The following CALCR variants were observed in gnomAD, a reference collection of about 807,000 sequenced individuals.
CALCR encodes the protein calcitonin receptor.
A neutral mutation model predicts 59.5 loss-of-function variants in CALCR; 47 were observed. The observed-to-expected ratio is 0.79, with a 90% CI of 0.63 to 1.01. The LOEUF (loss-of-function observed/expected upper bound fraction) is 1.01. CALCR is among the 50% of genes least tolerant of loss of function. The probability of loss-of-function intolerance (pLI) is 0.00; values close to 1 mark genes in which losing one functional copy is unlikely to be tolerated. For synonymous variants in CALCR, 213 were observed against 211.3 expected (o/e 1.01, Z -0.07); for missense variants, 566 against 597.1 (o/e 0.95, Z 0.54).
At chr7:93,567,194 G>A (rs1482569637) in intron 2 of CALCR, among the ~76,000 whole-genome samples, 2 of 152,210 alleles carry the variant, frequency 1.3e-5, no homozygotes, top group Non-Finnish European at 2.9e-5. Context: ...ATGAATTATT[G>A]GTTTGGAGGA....
intron 2 of CALCR, among the ~76,000 whole-genome samples, chr7:93,510,429 G>A (rs1048729391): frequency 2.0e-5 from 3 of 152,118 alleles, no homozygotes; most frequent in African/African-American, 7.2e-5. Flanking sequence ...GGTGGGCCAG[G>A]GAGGCACCCA....
chr7:93,459,839 C>T (rs1428651529), intron 8 of CALCR, among the ~76,000 whole-genome samples: 1 of 152,118 alleles, frequency 6.6e-6, no homozygotes, highest in Non-Finnish European at 1.5e-5. Context: ...AGTAATGGAG[C>T]TAAATGATTT....
rs755175625 is a variant in CALCR, at chr7:93,477,683, G to A, written c.206-15C>T. ...GCAATATGGACCTGGCCATTTAGAA[G>A]GAAATTGATATTGAAGCCTTGTGGA... On this transcript the variant is annotated splice_polypyrimidine_tract_variant and intron_variant, in intron 4 of 13. Transcript: ENST00000426151. 1.5e-5 allele frequency: 23 copies of A among 1,514,182 alleles called. No individual in the cohort carries two copies. The highest frequency in any genetic ancestry group is 6.9e-5 in the African/African-American group (5 of 72,822). 93.8% of individuals were successfully genotyped at this position (1,514,182 alleles called of 1,614,324 possible). A position where few individuals can be genotyped will look rare whatever the true frequency, so the allele number is the denominator to read the frequency against.
rs745674001 is a variant in CALCR at position 93,460,965 on chromosome 7, A to G, written c.522-18T>C. The G allele has an allele frequency of 6.2e-7, 1 of 1,602,562 alleles. No individual in the cohort carries two copies. The highest frequency in any genetic ancestry group is 8.5e-7 in the Non-Finnish European group (1 of 1,175,286). ...CAAGGCTCCTGGAAGAAAAAGTAAC[A>G]TAAAGCATTAACCAGTGCCAAAATG... On this transcript the variant is annotated intron_variant, in intron 7 of 13. Coordinates refer to ENST00000426151, the MANE Select transcript of CALCR (RefSeq NM_001742.4).
chr7:93,484,754 T>C (rs1486447788), intron 3 of CALCR, among the ~76,000 whole-genome samples: 1 of 151,736 alleles, frequency 6.6e-6, no homozygotes, highest in African/African-American at 2.4e-5. Context: ...TAACACCTGC[T>C]CTGAAGAACC....
intron 2 of CALCR, among the ~76,000 whole-genome samples, chr7:93,493,063 T>A (rs2115965126): frequency 1.3e-5 from 2 of 151,508 alleles, no homozygotes; most frequent in African/African-American, 4.8e-5. Flanking sequence ...TGTGTATTTC[T>A]ATGTATTTTC....
At chr7:93,497,746 T>A (rs976110889) in intron 2 of CALCR, among the ~76,000 whole-genome samples, 9 of 151,618 alleles carry the variant, frequency 5.9e-5, no homozygotes, top group Non-Finnish European at 1.3e-4. Context: ...TCAGTTTCCA[T>A]GGAGAACCCA....
chr7:93,543,911 G>T (rs1789212051), intron 2 of CALCR, among the ~76,000 whole-genome samples: 1 of 151,314 alleles, frequency 6.6e-6, no homozygotes, highest in Non-Finnish European at 1.5e-5. Context: ...TAGTACTTAG[G>T]GTATATTTGT....
intron 13 of CALCR, among the ~76,000 whole-genome samples, chr7:93,427,567 G>T (rs1799557255): frequency 6.6e-6 from 1 of 152,090 alleles, no homozygotes; most frequent in Non-Finnish European, 1.5e-5. Context: ...CTAAACACAT[G>T]AGAGAGAACC....
intron 2 of CALCR, among the ~76,000 whole-genome samples, chr7:93,530,083 AAATCAAGTTCT>A (rs1195596363): frequency 6.6e-6 from 1 of 152,160 alleles, no homozygotes; most frequent in Non-Finnish European, 1.5e-5. Flanking sequence ...TTATTTTTAA[AAATCAAGTTCT>A]AAAAAGAGCT....
intron 2 of CALCR, among the ~76,000 whole-genome samples, chr7:93,572,410 T>C (rs1790026929): frequency 6.6e-6 from 1 of 152,166 alleles, no homozygotes; most frequent in Non-Finnish European, 1.5e-5. Flanking sequence ...TTTCCACAGA[T>C]ATTCTGATTT....
At chr7:93,537,973 A>G (rs1789036544) in intron 2 of CALCR, among the ~76,000 whole-genome samples, 1 of 151,880 alleles carries the variant, frequency 6.6e-6, no homozygotes, top group Non-Finnish European at 1.5e-5. Flanking sequence ...CATTTATCAT[A>G]TTTTTCCAGT....
chr7:93,491,125 T>TC (rs1410188004), intron 2 of CALCR, among the ~76,000 whole-genome samples: 1 of 152,042 alleles, frequency 6.6e-6, no homozygotes, highest in East Asian at 1.9e-4. Context: ...TATCTGATCT[T>TC]CAACAAACCT....
At chr7:93,537,999 T>A (rs376963608) in intron 2 of CALCR, among the ~76,000 whole-genome samples, 40 of 152,032 alleles carry the variant, frequency 2.6e-4, no homozygotes, top group African/African-American at 9.6e-4. Flanking sequence ...ATTAGCCAAA[T>A]AATGTGTTCA....
At chr7:93,434,104 G>T (rs1584533164) in intron 13 of CALCR, 149 bp downstream of exon 13, 1 of 674,050 alleles carries the variant, frequency 1.5e-6, no homozygotes, top group East Asian at 2.5e-5. Context: ...TCAGCTTGGA[G>T]TAGTGGAAAA....
intron 2 of CALCR, among the ~76,000 whole-genome samples, chr7:93,512,980 A>C (rs1013024319): frequency 1.3e-5 from 2 of 152,200 alleles, no homozygotes; most frequent in African/African-American, 4.8e-5. Flanking sequence ...ATAACAAAAC[A>C]GAATATTTAA....
intron 2 of CALCR, among the ~76,000 whole-genome samples, chr7:93,538,863 T>C (rs998351997): frequency 1.3e-5 from 2 of 152,080 alleles, no homozygotes. Context: ...GAGATATGAG[T>C]TGAATACAAC....
In CALCR at chr7:93,468,774, C is replaced by T; in HGVS notation, c.462G>A (p.Val154=). ...NAYVLYYLAI[V]GHSLSIFTLV... ...GGGTGAAAATTGACAAAGAATGACC[C>T]ACAATAGCCAAATAGTACAGAACAT... is the stretch of plus-strand genomic sequence containing the variant. Residue 154 remains valine (V), a synonymous_variant, in exon 7 of 14, where the codon GTG becomes GTA. Coordinates refer to ENST00000426151, the MANE Select transcript of CALCR (RefSeq NM_001742.4). 6.2e-7 allele frequency: 1 copy of T among 1,610,480 alleles called. No homozygotes were observed. Among genetic ancestry groups the T allele is most frequent in the South Asian group, 1.1e-5 (1 of 90,878 alleles).
In CALCR at chr7:93,454,917, TGTG is replaced by T. The variant is rs1562980191; in HGVS notation, c.648+5901_648+5903del. 5.1e-3 allele frequency among the ~76,000 whole-genome samples: 88 copies of T among 17,338 alleles called. 1 individual carries two copies. Among genetic ancestry groups the T allele is most frequent in the African/African-American group, 0.017 (80 of 4,588 alleles). 11.4% of individuals were successfully genotyped at this position (17,338 alleles called of 152,430 possible). On this transcript the variant is annotated intron_variant, in intron 8 of 13. Coordinates refer to ENST00000426151, the MANE Select transcript of CALCR (RefSeq NM_001742.4). ...CACTGACAGTGAGGACAGGGCATTT[TGTG>T]TGTGTGTGTGTGTGTGTGTGTGTGT... is the stretch of plus-strand genomic sequence containing the variant.
Sources: gnomAD v4.1 joint callset for allele counts (sites outside exome capture counted in the v4.1 genomes callset) on GRCh38, gnomAD v4.1.1 for gene constraint, MANE v1.5 for transcripts, NCBI Gene and HGNC (gene_info 2026-07-23, HGNC 2026-07-21) for gene names.